RARB: variants seen among roughly 807,000 people sequenced by gnomAD.
RARB encodes the protein retinoic acid receptor beta.
A neutral mutation model predicts 51.9 loss-of-function variants in RARB; 17 were observed. The ratio of observed to expected loss-of-function variants is 0.33; its 90% CI spans 0.22 to 0.49. The LOEUF is 0.49. Among genes scored for constraint, RARB ranks in the 20% least tolerant of loss-of-function variants. The probability of loss-of-function intolerance (pLI) is 0.99; values close to 1 mark genes in which losing one functional copy is unlikely to be tolerated. For synonymous variants in RARB, 215 were observed against 195.4 expected (o/e 1.10, Z -0.84); for missense variants, 369 against 550.8 (o/e 0.67, Z 3.30).
At chr3:25,405,844 G>A (rs1220608105) in intron 5 of RARB, among the ~76,000 whole-genome samples, 6 of 152,152 alleles carry the variant, frequency 3.9e-5, no homozygotes, top group Admixed American at 3.3e-4. Flanking sequence ...TGGTCAAGGG[G>A]TTTCATGGCA....
intron 5 of RARB, among the ~76,000 whole-genome samples, chr3:25,329,551 G>A (rs1704828776): frequency 6.6e-6 from 1 of 152,120 alleles, no homozygotes; most frequent in Admixed American, 6.5e-5. Flanking sequence ...CCACAAAGAT[G>A]GGGAGAAACC....
At chr3:25,076,426 A>G (rs1698871851) in intron 3 of RARB, among the ~76,000 whole-genome samples, 1 of 152,220 alleles carries the variant, frequency 6.6e-6, no homozygotes, top group Non-Finnish European at 1.5e-5. Flanking sequence ...TAATTCAGGA[A>G]CATTATATAT....
At chr3:25,405,747 G>C (rs974124554) in intron 5 of RARB, among the ~76,000 whole-genome samples, 4 of 152,200 alleles carry the variant, frequency 2.6e-5, no homozygotes, top group Non-Finnish European at 5.9e-5. Context: ...TTATTATAGG[G>C]CACAGATATT....
At chr3:25,158,134 A>G (rs1372257531) in intron 4 of RARB, among the ~76,000 whole-genome samples, 1 of 152,224 alleles carries the variant, frequency 6.6e-6, no homozygotes, top group Admixed American at 6.5e-5. Context: ...CTGCTCACGT[A>G]TTACCAGCCA....
chr3:25,115,788 G>A (rs1449405970), intron 3 of RARB, among the ~76,000 whole-genome samples: 2 of 151,646 alleles, frequency 1.3e-5, no homozygotes, highest in African/African-American at 4.8e-5. Context: ...ATCACACTCA[G>A]CTAATTTTTT....
chr3:25,385,988 C>T (rs909528125), intron 5 of RARB, among the ~76,000 whole-genome samples: 1 of 152,140 alleles, frequency 6.6e-6, no homozygotes, highest in Non-Finnish European at 1.5e-5. Flanking sequence ...TTGGCATTTC[C>T]GTCAGTCCGT....
chr3:25,338,918 C>G lies in RARB; in HGVS notation c.179-122275C>G, dbSNP rs1575323816. Among the ~76,000 whole-genome samples the G allele has an allele frequency of 2.6e-5, 4 of 152,196 alleles. No individual in the cohort carries two copies. The East Asian group carries it at 5.8e-4, about 22-fold the overall frequency. On this transcript the variant is annotated intron_variant, in intron 5 of 11. Transcript: ENST00000383772. ...AGCACTTGGCACAGCAGGGGGCCTT[C>G]AAAATCGGGTCTCTGAGAGAACAGT...
chr3:25,416,067 C>A (rs754804961), intron 5 of RARB, among the ~76,000 whole-genome samples: 1 of 152,112 alleles, frequency 6.6e-6, no homozygotes, highest in Non-Finnish European at 1.5e-5. Context: ...TCAAAAAGAA[C>A]TGAAGAAAAA....
At chr3:25,061,552 G>T (rs1698549625) in intron 3 of RARB, among the ~76,000 whole-genome samples, 1 of 151,640 alleles carries the variant, frequency 6.6e-6, no homozygotes, top group African/African-American at 2.4e-5. Flanking sequence ...TACACATTCA[G>T]TTGAGTACTT....
At chr3:25,018,854 A>T (rs1697569595) in intron 2 of RARB, among the ~76,000 whole-genome samples, 1 of 152,156 alleles carries the variant, frequency 6.6e-6, no homozygotes, top group South Asian at 2.1e-4. Flanking sequence ...GATGGATAAG[A>T]AACTTTCGTA....
At position 24,965,709 on chromosome 3, in the gene RARB, A is replaced by G. The variant is rs536190291; in HGVS notation, c.-379-94416A>G. The stretch of plus-strand genomic sequence containing the variant: ...ATGAAATAATACACATGAAATGTTG[A>G]GAGGATGCCTGCTACATAATCAAAC... On this transcript the variant is annotated intron_variant, in intron 2 of 11. Transcript: ENST00000383772. Among the ~76,000 whole-genome samples the G allele has an allele frequency of 2.0e-5, 3 of 152,320 alleles. No homozygotes were observed. In the South Asian group the frequency reaches 6.2e-4, roughly 32 times the overall value.
At chr3:25,015,430 A>G (rs1201070755) in intron 2 of RARB, among the ~76,000 whole-genome samples, 1 of 152,176 alleles carries the variant, frequency 6.6e-6, no homozygotes, top group Non-Finnish European at 1.5e-5. Flanking sequence ...AATAACTGTG[A>G]AATAAATGGA....
At chr3:25,162,743 A>G (rs1189066868) in intron 4 of RARB, among the ~76,000 whole-genome samples, 1 of 152,224 alleles carries the variant, frequency 6.6e-6, no homozygotes, top group African/African-American at 2.4e-5. Context: ...CATGTAATAG[A>G]ACAATCCCTA....
At chr3:25,041,538 A>T (rs1447559980) in intron 2 of RARB, among the ~76,000 whole-genome samples, 1 of 130,646 alleles carries the variant, frequency 7.7e-6, no homozygotes, top group Non-Finnish European at 1.6e-5. Flanking sequence ...GACATTTGGG[A>T]AAAAAAAAAA....
intron 5 of RARB, among the ~76,000 whole-genome samples, chr3:25,287,022 T>C (rs765677261): frequency 6.6e-6 from 1 of 152,234 alleles, no homozygotes; most frequent in Non-Finnish European, 1.5e-5. Flanking sequence ...GATGAAGGCT[T>C]TCTCCTGCCT....
chr3:25,367,115 AG>A (rs1415996380), intron 5 of RARB, among the ~76,000 whole-genome samples: 1 of 152,210 alleles, frequency 6.6e-6, no homozygotes, highest in Non-Finnish European at 1.5e-5. Context: ...GATCTAAAAA[AG>A]ATTCTCTCCA....
intron 5 of RARB, among the ~76,000 whole-genome samples, chr3:25,199,536 T>C (rs924537845): frequency 6.6e-6 from 1 of 152,080 alleles, no homozygotes; most frequent in Non-Finnish European, 1.5e-5. Context: ...ATGTGCCATG[T>C]TGGTGTGCTG....
chr3:24,980,632 T>A (rs1352512937), intron 2 of RARB, among the ~76,000 whole-genome samples: 1 of 152,186 alleles, frequency 6.6e-6, no homozygotes, highest in Admixed American at 6.5e-5. Context: ...TTTAAGCTCT[T>A]CTCTACATGG....
chr3:25,132,653 A>G (rs1412662443), intron 4 of RARB, among the ~76,000 whole-genome samples: 1 of 151,978 alleles, frequency 6.6e-6, no homozygotes, highest in East Asian at 1.9e-4. Context: ...ATTAAGCAGT[A>G]GAGGATTAAT....
Sources: gnomAD v4.1 joint callset for allele counts (sites outside exome capture counted in the v4.1 genomes callset) on GRCh38, gnomAD v4.1.1 for gene constraint, MANE v1.5 for transcripts, NCBI Gene and HGNC (gene_info 2026-07-23, HGNC 2026-07-21) for gene names.